The following BANP variants were observed in gnomAD, a reference collection of about 807,000 sequenced individuals.
The protein encoded by BANP is BTG3 associated nuclear protein.
A neutral mutation model predicts 68.1 loss-of-function variants in BANP; 11 were observed. That is an observed-to-expected ratio of 0.16 (90% CI 0.10 to 0.27). The LOEUF is 0.27. Ranked by LOEUF, BANP falls within the 10% of genes least tolerant of loss-of-function variation. The pLI is 1.00. For missense variants in BANP, 504 were observed against 722.7 expected (o/e 0.70, Z 3.47); for synonymous variants, 329 against 303.2 (o/e 1.09, Z -0.88).
At position 88,036,527 on chromosome 16, in the gene BANP, G is replaced by A. The variant is rs1182123585; in HGVS notation, c.1272+1133G>A. On this transcript the variant is annotated intron_variant, in intron 10 of 13. Transcript: ENST00000682872. This position sits in a 1 kb window ranked among gnomAD's most constrained non-coding sequence, Gnocchi z 4.2. ...GTGGCACGTGGAGCACCAGGGACTCGGGCGTGTCTGCTGGCAGTGGCTTTA... is the reference window on the plus strand; with the variant it reads ...GTGGCACGTGGAGCACCAGGGACTCAGGCGTGTCTGCTGGCAGTGGCTTTA... Among the ~76,000 whole-genome samples, 6 of 152,198 alleles carry A rather than the reference G, an allele frequency of 3.9e-5. No homozygotes were observed. The highest frequency in any genetic ancestry group is 3.9e-4 in the East Asian group (2 of 5,176).
At chr16:88,051,141 A>G (rs911566577) in intron 11 of BANP, among the ~76,000 whole-genome samples, 1 of 152,200 alleles carries the variant, frequency 6.6e-6, no homozygotes, top group Non-Finnish European at 1.5e-5. Flanking sequence ...CCTCCCGTGT[A>G]GTGGCGGGCC....
At chr16:87,972,714 T>TA (rs1310541574) in intron 1 of BANP, among the ~76,000 whole-genome samples, 1 of 152,266 alleles carries the variant, frequency 6.6e-6, no homozygotes, top group Non-Finnish European at 1.5e-5. Context: ...CTCAGCTCTC[T>TA]AGGCTCTGTT....
At position 88,035,480 on chromosome 16, in the gene BANP, A is replaced by C. The variant is rs2079107918; in HGVS notation, c.1272+86A>C. On this transcript the variant is annotated intron_variant, in intron 10 of 13. Coordinates refer to ENST00000682872, the MANE Select transcript of BANP (RefSeq NM_001386991.1). The stretch of plus-strand genomic sequence containing the variant: ...TTCATCGGTGTCACAGTGCGAGGGC[A>C]GCAGGGAGCCCCCAGGACAGGGAAC... The C allele has an allele frequency of 1.7e-5, 22 of 1,301,802 alleles. No individual in the cohort carries two copies. The South Asian group carries it at 2.5e-4, about 15-fold the overall frequency. The allele number at this position is 1,301,802 out of a possible 1,614,324, so 80.6% of individuals were successfully genotyped here.
At chr16:87,965,192 G>A (rs1324857331) in intron 1 of BANP, among the ~76,000 whole-genome samples, 2 of 152,192 alleles carry the variant, frequency 1.3e-5, no homozygotes, top group African/African-American at 4.8e-5. Context: ...AGGACAGCGT[G>A]GGGAGGAGCC....
At chr16:87,994,361 G>C (rs186674078) in intron 4 of BANP, among the ~76,000 whole-genome samples, 1 of 152,372 alleles carries the variant, frequency 6.6e-6, no homozygotes, top group East Asian at 1.9e-4. Context: ...ACAGATCTCT[G>C]TTGGAGCACA....
At chr16:87,952,177 C>T (rs748495776) in intron 1 of BANP, 1 of 152,230 alleles carries the variant, frequency 6.6e-6, no homozygotes, top group African/African-American at 2.4e-5. Flanking sequence ...TTTTTCCCCC[C>T]TAGGATGCAG....
At position 88,076,688 on chromosome 16, in the gene BANP, T is replaced by G. The variant is rs2091681673; in HGVS notation, c.*27T>G. 1 of 1,592,098 alleles carries G rather than the reference T, an allele frequency of 6.3e-7. No individual in the cohort carries two copies. Among genetic ancestry groups the G allele is most frequent in the African/African-American group, 1.3e-5 (1 of 74,528 alleles). ...CGGTGCCCATGGCACCAGGAGCCCCTCGCCGGCTCCGCCTACGGCCCGGCC... is the reference window on the plus strand; with the variant it reads ...CGGTGCCCATGGCACCAGGAGCCCCGCGCCGGCTCCGCCTACGGCCCGGCC... On this transcript the variant is annotated 3_prime_UTR_variant, in exon 14 of 14. Transcript: ENST00000682872.
rs1189048597 is a variant in BANP, at chr16:88,071,754, T to C, written c.1378-315T>C. The stretch of plus-strand genomic sequence containing the variant: ...TTCCAGGAGGCTCTGTGGCATTTGC[T>C]GTTGCTCTCTTTTTCTGTGGAAGCT... On this transcript the variant is annotated intron_variant, in intron 12 of 13. Coordinates refer to ENST00000682872, the MANE Select transcript of BANP (RefSeq NM_001386991.1). The surrounding 1 kb of genome is among the most constrained non-coding windows in gnomAD (Gnocchi z 6.5). 3.4e-6 allele frequency: 2 copies of C among 595,522 alleles called. No homozygotes were observed. The highest frequency in any genetic ancestry group is 6.3e-6 in the Non-Finnish European group (2 of 316,744). 36.9% of individuals were successfully genotyped at this position (595,522 alleles called of 1,614,324 possible). A position where few individuals can be genotyped will look rare whatever the true frequency, so the allele number is the denominator to read the frequency against.
chr16:88,006,193 G>A lies in BANP; in HGVS notation c.583G>A (p.Val195Met). The A allele has an allele frequency of 6.2e-7, 1 of 1,613,848 alleles. No homozygotes were observed. The highest frequency in any genetic ancestry group is 8.5e-7 in the Non-Finnish European group (1 of 1,179,928). Residue 195 changes from valine (V) to methionine (M), a missense_variant, in exon 6 of 14, where the codon GTG (valine) becomes ATG (methionine). Transcript: ENST00000682872. ...GESGSEASDS[V>M]SSCGQAGSQS... The stretch of plus-strand genomic sequence containing the variant: ...GAGCGGCTCGGAGGCCAGCGACTCT[G>A]TGTCCAGCTGTGGGCAGGCGGGCAG...
intron 11 of BANP, among the ~76,000 whole-genome samples, chr16:88,050,649 A>G (rs2083037172): frequency 6.6e-6 from 1 of 152,088 alleles, no homozygotes; most frequent in Non-Finnish European, 1.5e-5. Context: ...GAAACCCATC[A>G]TTTGGATAAG....
At position 88,035,318 on chromosome 16, in the gene BANP, T is replaced by C. The variant is rs144906040; in HGVS notation, c.1201-5T>C. 480 of 1,607,206 alleles carry C rather than the reference T, an allele frequency of 3.0e-4. 3 individuals carry two copies. The African/African-American group carries it at 6.1e-3, about 20-fold the overall frequency. ...GATGCTTCTTGGTGTCTTTTCTTGC[T>C]GCGGATCCCACAGGGACACCTCCAC... On this transcript the variant is annotated splice_region_variant and splice_polypyrimidine_tract_variant and intron_variant, in intron 9 of 13. Transcript: ENST00000682872.
intron 11 of BANP, among the ~76,000 whole-genome samples, chr16:88,040,835 G>A (rs901671535): frequency 1.2e-4 from 19 of 152,246 alleles, no homozygotes; most frequent in African/African-American, 4.6e-4. Flanking sequence ...ACCGGAGTAA[G>A]AGAACACAAA....
intron 4 of BANP, among the ~76,000 whole-genome samples, chr16:87,999,158 G>A (rs2068296806): frequency 7.3e-6 from 1 of 136,928 alleles, no homozygotes; most frequent in Non-Finnish European, 1.5e-5. Context: ...GTACTTACCT[G>A]TCCTTCCAGA....
intron 2 of BANP, chr16:87,980,833 A>G (rs1426870089): frequency 5.4e-6 from 3 of 551,548 alleles, no homozygotes; most frequent in African/African-American, 1.9e-5. Flanking sequence ...TTAATTGCCC[A>G]GTGTCTGGGC....
intron 4 of BANP, among the ~76,000 whole-genome samples, chr16:87,994,114 T>TGCGGAGCGCG (rs2066583244): frequency 6.6e-6 from 1 of 150,528 alleles, no homozygotes; most frequent in African/African-American, 2.5e-5. Context: ...GGCGGTGTGC[T>TGCGGAGCGCG]GCGGTGCACT....
intron 1 of BANP, among the ~76,000 whole-genome samples, chr16:87,971,746 C>G (rs926570429): frequency 6.6e-6 from 1 of 151,944 alleles, no homozygotes; most frequent in Non-Finnish European, 1.5e-5. Flanking sequence ...GTCCTGTTTT[C>G]TGGAGAGCTT....
At chr16:87,977,445 A>C (rs1239021895) in intron 2 of BANP, among the ~76,000 whole-genome samples, 1 of 151,830 alleles carries the variant, frequency 6.6e-6, no homozygotes, top group Non-Finnish European at 1.5e-5. Context: ...CCTACTGTGC[A>C]CAGAGCTCCG....
chr16:87,961,482 A>T (rs1431253306), intron 1 of BANP, among the ~76,000 whole-genome samples: 1 of 144,812 alleles, frequency 6.9e-6, no homozygotes, highest in Non-Finnish European at 1.5e-5. Flanking sequence ...CCTTTTTGTC[A>T]TATGCATCGA....
intron 1 of BANP, among the ~76,000 whole-genome samples, chr16:87,960,980 C>G (rs368769440): frequency 2.6e-5 from 4 of 152,194 alleles, no homozygotes; most frequent in African/African-American, 9.7e-5. Flanking sequence ...GATGCCAGTG[C>G]TAATGCTGAT....
Sources: gnomAD v4.1 joint callset for allele counts (sites outside exome capture counted in the v4.1 genomes callset) on GRCh38, gnomAD v4.1.1 for gene constraint, Gnocchi (gnomAD v3.1) non-coding constraint, MANE v1.5 for transcripts, NCBI Gene and HGNC (gene_info 2026-07-23, HGNC 2026-07-21) for gene names.